Variants in USP13 observed in about 807,000 individuals in gnomAD.
USP13 encodes the protein ubiquitin specific peptidase 13, also known as ubiquitin carboxyl-terminal hydrolase 13.
Under a neutral mutation model 107.8 loss-of-function variants are expected in USP13, and 68 were observed. The observed-to-expected ratio is 0.63, with a 90% CI of 0.52 to 0.77. The LOEUF (loss-of-function observed/expected upper bound fraction) is 0.77, where lower values mean the gene tolerates loss of function less well. USP13 is among the 30% of genes least tolerant of loss of function. The pLI is 0.00. For missense variants in USP13, 945 were observed against 1,093.3 expected (o/e 0.86, Z 1.91); for synonymous variants, 377 against 389.5 (o/e 0.97, Z 0.38).
intron 18 of USP13, 97 bp downstream of exon 18, chr3:179,764,265 G>T: frequency 6.9e-7 from 1 of 1,447,320 alleles, no homozygotes; most frequent in South Asian, 1.7e-5. Flanking sequence ...TGATCATTTT[G>T]ATTCATGTTT....
At position 179,742,080 on chromosome 3, in the gene USP13, C is replaced by T; in HGVS notation, c.1381-117C>T. 1 of 1,298,970 alleles carries T rather than the reference C, an allele frequency of 7.7e-7. No homozygotes were observed. The allele number at this position is 1,298,970 out of a possible 1,614,324, so 80.5% of individuals were successfully genotyped here. A position where few individuals can be genotyped will look rare whatever the true frequency, so the allele number is the denominator to read the frequency against. The stretch of plus-strand genomic sequence containing the variant: ...AAAGTGCTTTGGTGAATGGGCATGG[C>T]CAGAGGAAATGTTTAATAAAGCCAA... On this transcript the variant is annotated intron_variant, in intron 11 of 20. Coordinates refer to ENST00000263966, the MANE Select transcript of USP13 (RefSeq NM_003940.3). The surrounding 1 kb of genome is among the most constrained non-coding windows in gnomAD (Gnocchi z 5.0).
chr3:179,772,847 G>A lies in USP13; in HGVS notation c.2413+6999G>A, dbSNP rs553434000. Among the ~76,000 whole-genome samples, 6 of 152,262 alleles carry A rather than the reference G, an allele frequency of 3.9e-5. No homozygotes were observed. The East Asian group carries it at 1.2e-3, about 29-fold the overall frequency. ...TGGCTAGGGTTGGGGGAAGCAATTC[G>A]TAGACCCTTTACAATTCTGTTGCTA... On this transcript the variant is annotated intron_variant, in intron 19 of 20. Coordinates refer to ENST00000263966, the MANE Select transcript of USP13 (RefSeq NM_003940.3).
At position 179,730,254 on chromosome 3, in the gene USP13, C is replaced by T; in HGVS notation, c.1154C>T (p.Thr385Ile). 1 of 1,606,166 alleles carries T rather than the reference C, an allele frequency of 6.2e-7. No homozygotes were observed. The highest frequency in any genetic ancestry group is 8.5e-7 in the Non-Finnish European group (1 of 1,178,400). Residue 385 changes from threonine (T) to isoleucine (I), a missense_variant, in exon 9 of 21, where the codon ACA becomes ATA. Physicochemically the swap from Thr to Ile is moderately conservative, Grantham distance 89. Coordinates refer to ENST00000263966, the MANE Select transcript of USP13 (RefSeq NM_003940.3). ...TTAGATCCAACACAAGATTTCAACACACAGATGTAAGTGCCAGATTTGTAT... is the reference window on the plus strand; with the variant it reads ...TTAGATCCAACACAAGATTTCAACATACAGATGTAAGTGCCAGATTTGTAT... ...SPLDPTQDFN[T>I]QMTKLGHGLL...
At chr3:179,679,060 T>C (rs1398685104) in intron 1 of USP13, among the ~76,000 whole-genome samples, 1 of 152,228 alleles carries the variant, frequency 6.6e-6, no homozygotes, top group African/African-American at 2.4e-5. Context: ...CTGTTAAGTG[T>C]TCACATTGTG....
intron 10 of USP13, among the ~76,000 whole-genome samples, chr3:179,733,200 C>T (rs1713866489): frequency 6.6e-6 from 1 of 152,144 alleles, no homozygotes; most frequent in African/African-American, 2.4e-5. Flanking sequence ...CCTCAGGTGC[C>T]ACGATCTAGT....
intron 10 of USP13, among the ~76,000 whole-genome samples, chr3:179,734,217 T>G (rs943537659): frequency 6.6e-6 from 1 of 152,260 alleles, no homozygotes; most frequent in African/African-American, 2.4e-5. Context: ...GCAGCAGTAT[T>G]TATTTGTGGT....
chr3:179,755,488 T>C, intron 15 of USP13, among the ~76,000 whole-genome samples: 1 of 152,004 alleles, frequency 6.6e-6, no homozygotes, highest in South Asian at 2.1e-4. Context: ...TTAGTAGAGA[T>C]GGGGTTTCAC....
chr3:179,711,902 C>T (rs1712944746), intron 6 of USP13, among the ~76,000 whole-genome samples: 1 of 152,082 alleles, frequency 6.6e-6, no homozygotes. Context: ...TACGTAAAAC[C>T]ATATGTGCTA....
intron 19 of USP13, among the ~76,000 whole-genome samples, chr3:179,775,968 G>A (rs530992985): frequency 4.5e-4 from 68 of 152,306 alleles, no homozygotes; most frequent in African/African-American, 1.1e-3. Flanking sequence ...CTCCTCAAGC[G>A]TGGCCAGAGC....
chr3:179,770,889 A>G (rs35519266), intron 19 of USP13, among the ~76,000 whole-genome samples: 1 of 152,126 alleles, frequency 6.6e-6, no homozygotes, highest in African/African-American at 2.4e-5. Context: ...TACAGGTGTG[A>G]GCCACTGCAC....
At chr3:179,710,607 A>G (rs1217102475) in intron 6 of USP13, among the ~76,000 whole-genome samples, 2 of 152,188 alleles carry the variant, frequency 1.3e-5, no homozygotes, top group African/African-American at 4.8e-5. Context: ...TGTTAATTGA[A>G]CCAACTGGTA....
chr3:179,668,486 A>G (rs150487442), intron 1 of USP13, among the ~76,000 whole-genome samples: 1 of 152,300 alleles, frequency 6.6e-6, no homozygotes, highest in East Asian at 1.9e-4. Context: ...CAACTATTGT[A>G]TGCTGGTAAT....
In USP13 at chr3:179,678,904, T is replaced by A. The variant is rs1337765455; in HGVS notation, c.169-2974T>A. On this transcript the variant is annotated intron_variant, in intron 1 of 20. Coordinates refer to ENST00000263966, the MANE Select transcript of USP13 (RefSeq NM_003940.3). The surrounding 1 kb of genome is among the most constrained non-coding windows in gnomAD (Gnocchi z 4.2). ...ACTAGTGTGTGTAGATTCCTTAGAA[T>A]TTTCAATATGGCCTGTACTGTCATT... 4.6e-5 allele frequency among the ~76,000 whole-genome samples: 7 copies of A among 151,912 alleles called. No homozygotes were observed. Among genetic ancestry groups the A allele is most frequent in the African/African-American group, 1.5e-4 (6 of 41,322 alleles).
chr3:179,660,298 G>T (rs1720420465), intron 1 of USP13, among the ~76,000 whole-genome samples: 1 of 152,030 alleles, frequency 6.6e-6, no homozygotes, highest in South Asian at 2.1e-4. Flanking sequence ...CCTTCTCCTA[G>T]CCCCTTGTAA....
rs1720151011 is a variant in USP13 at position 179,653,485 on chromosome 3, CTT to C, written c.168+93_168+94del. 1 of 1,470,828 alleles carries C rather than the reference CTT, an allele frequency of 6.8e-7. No homozygotes were observed. Among genetic ancestry groups the C allele is most frequent in the Non-Finnish European group, 9.1e-7 (1 of 1,098,948 alleles). 91.1% of individuals were successfully genotyped at this position (1,470,828 alleles called of 1,614,324 possible). A position where few individuals can be genotyped will look rare whatever the true frequency, so the allele number is the denominator to read the frequency against. On this transcript the variant is annotated intron_variant, in intron 1 of 20. Transcript: ENST00000263966. The surrounding 1 kb of genome is among the most constrained non-coding windows in gnomAD (Gnocchi z 4.0). ...AGATGCGCAGTGGCGGCCGGGACCT[CTT>C]CTCTTCCTCCGGGCGGCAGAGTTGG... is the stretch of plus-strand genomic sequence containing the variant.
At chr3:179,660,384 T>C (rs1720423364) in intron 1 of USP13, among the ~76,000 whole-genome samples, 1 of 152,250 alleles carries the variant, frequency 6.6e-6, no homozygotes, top group Admixed American at 6.5e-5. Flanking sequence ...ACAGTATTTG[T>C]CCTTTCGTGT....
chr3:179,653,093 C>A lies in USP13; in HGVS notation c.-133C>A. On this transcript the variant is annotated 5_prime_UTR_variant, in exon 1 of 21. Transcript: ENST00000263966. This position sits in a 1 kb window ranked among gnomAD's most constrained non-coding sequence, Gnocchi z 4.0. ...CCCGCCCCGCAGCCCGCTCTCCCCGCCCGCCCCGGCTCGGCCGGCTGCCGT... is the reference window on the plus strand; with the variant it reads ...CCCGCCCCGCAGCCCGCTCTCCCCGACCGCCCCGGCTCGGCCGGCTGCCGT... 2 of 802,792 alleles carry A rather than the reference C, an allele frequency of 2.5e-6. No individual in the cohort carries two copies. The highest frequency in any genetic ancestry group is 1.5e-6 in the Non-Finnish European group (1 of 664,396). 49.7% of individuals were successfully genotyped at this position (802,792 alleles called of 1,614,324 possible). A position where few individuals can be genotyped will look rare whatever the true frequency, so the allele number is the denominator to read the frequency against.
At chr3:179,762,084 C>G (rs1271159033) in intron 17 of USP13, among the ~76,000 whole-genome samples, 1 of 152,182 alleles carries the variant, frequency 6.6e-6, no homozygotes, top group Non-Finnish European at 1.5e-5. Context: ...CAGTCACTCC[C>G]CATTTTCCTG....
chr3:179,758,660 G>A (rs546995277), intron 16 of USP13, among the ~76,000 whole-genome samples: 52 of 151,642 alleles, frequency 3.4e-4, no homozygotes, highest in African/African-American at 1.1e-3. Flanking sequence ...CACCACAACC[G>A]GCTCATTTTT....
Sources: gnomAD v4.1 joint callset for allele counts (sites outside exome capture counted in the v4.1 genomes callset) on GRCh38, gnomAD v4.1.1 for gene constraint, Gnocchi (gnomAD v3.1) non-coding constraint, MANE v1.5 for transcripts, NCBI Gene and HGNC (gene_info 2026-07-23, HGNC 2026-07-21) for gene names.